SEMA4D: variants seen among roughly 807,000 people sequenced by gnomAD.
SEMA4D encodes semaphorin-4D.
SEMA4D carries 22 observed loss-of-function variants against 74.8 expected under a neutral mutation model. The observed-to-expected ratio is 0.29, with a 90% CI of 0.21 to 0.42. The LOEUF (loss-of-function observed/expected upper bound fraction) is 0.42, where lower values mean the gene tolerates loss of function less well. Among genes scored for constraint, SEMA4D ranks in the 10% least tolerant of loss-of-function variants. The pLI is 1.00. For synonymous variants in SEMA4D, 445 were observed against 463.7 expected, an observed-to-expected ratio of 0.96 and a Z score of 0.52; for missense variants, 937 against 1,118.4, an observed-to-expected ratio of 0.84 and a Z score of 2.31.
intron 2 of SEMA4D, among the ~76,000 whole-genome samples, chr9:89,420,970 C>G (rs1245126468): frequency 1.3e-5 from 2 of 152,248 alleles, no homozygotes; most frequent in African/African-American, 4.8e-5. Context: ...TGAAATGAAG[C>G]CAGTTATATC....
chr9:89,483,187 TC>T (rs1185206281), intron 1 of SEMA4D, among the ~76,000 whole-genome samples: 2 of 152,084 alleles, frequency 1.3e-5, no homozygotes, highest in Admixed American at 6.5e-5. Flanking sequence ...CCACAGAACA[TC>T]CAGGACGCAG....
At position 89,405,744 on chromosome 9, in the gene SEMA4D, T is replaced by C. The variant is rs898631243; in HGVS notation, c.-243-45A>G. 6.5e-6 allele frequency: 9 copies of C among 1,379,356 alleles called. No homozygotes were observed. The African/African-American group carries it at 1.0e-4, about 16-fold the overall frequency. The allele number at this position is 1,379,356 out of a possible 1,614,324, so 85.4% of individuals were successfully genotyped here. ...AAAAGGCAGGACCCATGGTGAGTGA[T>C]GACCTGCTTCTCACTGCTCTGTAGC... On this transcript the variant is annotated intron_variant, in intron 2 of 15. Coordinates refer to ENST00000422704, the MANE Select transcript of SEMA4D (RefSeq NM_001371194.2).
chr9:89,386,491 C>T lies in SEMA4D; in HGVS notation c.1331-9G>A, dbSNP rs199599295. On this transcript the variant is annotated splice_polypyrimidine_tract_variant and intron_variant, in intron 12 of 15. Coordinates refer to ENST00000422704, the MANE Select transcript of SEMA4D (RefSeq NM_001371194.2). ...GTGCAGAGCTCCCCGGTCTGCAGGGCCAAAGCTACAGGTCAGTGACACTAA... is the reference window on the plus strand; with the variant it reads ...GTGCAGAGCTCCCCGGTCTGCAGGGTCAAAGCTACAGGTCAGTGACACTAA... 1.2e-6 allele frequency: 2 copies of T among 1,604,714 alleles called. No homozygotes were observed. Among genetic ancestry groups the T allele is most frequent in the African/African-American group, 2.7e-5 (2 of 74,806 alleles).
rs1158168446 is a variant in SEMA4D at position 89,488,352 on chromosome 9, C to CTTTTTTTTTTTTTTTTT, written c.-310+9550_-310+9566dup. Among the ~76,000 whole-genome samples, 2 of 62,592 alleles carry CTTTTTTTTTTTTTTTTT rather than the reference C, an allele frequency of 3.2e-5. 1 individual carries two copies. Among genetic ancestry groups the CTTTTTTTTTTTTTTTTT allele is most frequent in the Non-Finnish European group, 5.6e-5 (2 of 35,772 alleles). 41.1% of individuals were successfully genotyped at this position (62,592 alleles called of 152,430 possible). On this transcript the variant is annotated intron_variant, in intron 1 of 15. Coordinates refer to ENST00000422704, the MANE Select transcript of SEMA4D (RefSeq NM_001371194.2). ...AATTAACTCGAAATGGATCACAGAT[C>CTTTTTTTTTTTTTTTTT]TTTTTTTTTTTTTTTTTTTTTTTTT...
At chr9:89,432,770 C>T (rs1849552900) in intron 2 of SEMA4D, among the ~76,000 whole-genome samples, 1 of 152,160 alleles carries the variant, frequency 6.6e-6, no homozygotes. Context: ...GGAACTCTTG[C>T]ACTTTGCTGT....
chr9:89,461,323 G>A (rs1857142780), intron 1 of SEMA4D, among the ~76,000 whole-genome samples: 1 of 152,118 alleles, frequency 6.6e-6, no homozygotes, highest in Non-Finnish European at 1.5e-5. Flanking sequence ...CAGAAATTGG[G>A]ACCGGTAATC....
intron 6 of SEMA4D, among the ~76,000 whole-genome samples, 164 bp downstream of exon 6, chr9:89,396,573 G>A (rs1378389297): frequency 6.6e-6 from 1 of 152,254 alleles, no homozygotes; most frequent in African/African-American, 2.4e-5. Flanking sequence ...AGCTGTGCAA[G>A]ACTTTCAGAG....
At chr9:89,413,868 G>A (rs1294257015) in intron 2 of SEMA4D, among the ~76,000 whole-genome samples, 2 of 152,210 alleles carry the variant, frequency 1.3e-5, no homozygotes, top group African/African-American at 2.4e-5. Context: ...CTGTGTATGT[G>A]TACGCAGACA....
chr9:89,473,101 T>C (rs1860817945), intron 1 of SEMA4D, among the ~76,000 whole-genome samples: 1 of 152,040 alleles, frequency 6.6e-6, no homozygotes, highest in Admixed American at 6.5e-5. Flanking sequence ...AAATAAAGTA[T>C]TGGAAAGGAA....
intron 9 of SEMA4D, among the ~76,000 whole-genome samples, chr9:89,390,532 C>T (rs1229504494): frequency 6.6e-6 from 1 of 152,200 alleles, no homozygotes; most frequent in African/African-American, 2.4e-5. Context: ...CTTTTGTGCG[C>T]CATAGGCATG....
At chr9:89,392,987 C>A (rs1392005774) in intron 7 of SEMA4D, among the ~76,000 whole-genome samples, 1 of 152,128 alleles carries the variant, frequency 6.6e-6, no homozygotes, top group Non-Finnish European at 1.5e-5. Context: ...AGCCACTGAG[C>A]CTGGCTTGAG....
intron 2 of SEMA4D, among the ~76,000 whole-genome samples, chr9:89,416,757 T>C (rs1424203179): frequency 6.6e-6 from 1 of 152,264 alleles, no homozygotes; most frequent in East Asian, 1.9e-4. Context: ...ATATTGCTTC[T>C]GTAAAAAAAT....
intron 1 of SEMA4D, among the ~76,000 whole-genome samples, chr9:89,486,106 T>C (rs1300967995): frequency 6.6e-6 from 1 of 152,222 alleles, no homozygotes; most frequent in African/African-American, 2.4e-5. Flanking sequence ...CTTCTTTCCC[T>C]TGTTTCCAAT....
At chr9:89,410,448 A>G (rs2133904283) in intron 2 of SEMA4D, among the ~76,000 whole-genome samples, 1 of 152,362 alleles carries the variant, frequency 6.6e-6, no homozygotes, top group South Asian at 2.1e-4. Flanking sequence ...AGGGCCTGGA[A>G]GAAGTCACAA....
chr9:89,373,205 A>AC (rs991012335), downstream of SEMA4D, among the ~76,000 whole-genome samples: 6 of 151,940 alleles, frequency 3.9e-5, no homozygotes, highest in Non-Finnish European at 5.9e-5. Context: ...CCTCCACCGC[A>AC]CCCCACGTTG....
At chr9:89,461,893 G>T (rs2135717972) in intron 1 of SEMA4D, among the ~76,000 whole-genome samples, 1 of 152,052 alleles carries the variant, frequency 6.6e-6, no homozygotes, top group Non-Finnish European at 1.5e-5. Context: ...AGTAGAGACA[G>T]GGTTTCACCA....
chr9:89,434,949 G>A (rs1234509032), intron 2 of SEMA4D, among the ~76,000 whole-genome samples: 2 of 152,004 alleles, frequency 1.3e-5, no homozygotes, highest in Non-Finnish European at 2.9e-5. Flanking sequence ...TTTTTCTCCT[G>A]AAAGAAAAAA....
chr9:89,375,005 A>G (rs1190091827), downstream of SEMA4D, among the ~76,000 whole-genome samples: 3 of 152,222 alleles, frequency 2.0e-5, no homozygotes, highest in Admixed American at 2.0e-4. Context: ...GTGAGCCAAG[A>G]TCGTGCCACT....
At chr9:89,443,459 T>C (rs1214194789) in intron 2 of SEMA4D, among the ~76,000 whole-genome samples, 1 of 152,186 alleles carries the variant, frequency 6.6e-6, no homozygotes, top group East Asian at 1.9e-4. Context: ...GAGTGGAGCC[T>C]TCAGCTGTCT....
Sources: allele counts gnomAD v4.1 joint callset (sites outside exome capture counted in the v4.1 genomes callset), GRCh38; gene constraint gnomAD v4.1.1; transcripts MANE v1.5; gene names NCBI Gene and HGNC (gene_info 2026-07-23, HGNC 2026-07-21).